Variants in NCAPG observed in about 807,000 individuals in gnomAD.
The protein encoded by NCAPG is condensin complex subunit 3.
Under a neutral mutation model 113.1 loss-of-function variants are expected in NCAPG, and 69 were observed. That is an observed-to-expected ratio of 0.61 (90% CI 0.50 to 0.75). The LOEUF is 0.75. NCAPG is among the 30% of genes least tolerant of loss of function. The pLI is 0.00. For missense variants in NCAPG, 1,058 were observed against 1,177.0 expected (o/e 0.90, Z 1.48); for synonymous variants, 370 against 415.8 (o/e 0.89, Z 1.34).
chr4:17,829,446 A>G (rs948128378), intron 12 of NCAPG, among the ~76,000 whole-genome samples: 1 of 152,226 alleles, frequency 6.6e-6, no homozygotes, highest in Non-Finnish European at 1.5e-5. Flanking sequence ...TTGGAAAAGC[A>G]GTTATCTTTA....
At chr4:17,817,864 T>A in intron 6 of NCAPG, 75 bp from the exon 7 acceptor site, 1 of 1,404,952 alleles carries the variant, frequency 7.1e-7, no homozygotes, top group South Asian at 1.5e-5. Context: ...ATCTTATTAT[T>A]CTCATTTTTG....
At chr4:17,838,858 G>A (rs1445621401) in intron 16 of NCAPG, among the ~76,000 whole-genome samples, 2 of 152,188 alleles carry the variant, frequency 1.3e-5, no homozygotes, top group East Asian at 3.8e-4. Context: ...TTGGTGGTCA[G>A]TGGTGGTTAT....
chr4:17,812,115 A>AT (rs1247984952), intron 1 of NCAPG, 106 bp from the exon 2 acceptor site: 8 of 817,938 alleles, frequency 9.8e-6, no homozygotes, highest in Non-Finnish European at 1.5e-5. Context: ...AAATATTTTA[A>AT]TTTGTCTGCA....
chr4:17,839,548 T>C (rs1006475255), intron 16 of NCAPG, 128 bp from the exon 17 acceptor site: 31 of 606,990 alleles, frequency 5.1e-5, no homozygotes, highest in Non-Finnish European at 6.6e-5. Flanking sequence ...ATGTTAAATT[T>C]GGTTTTAGAC....
chr4:17,820,846 G>A (rs1300090969), intron 7 of NCAPG, among the ~76,000 whole-genome samples: 2 of 152,156 alleles, frequency 1.3e-5, no homozygotes, highest in African/African-American at 4.8e-5. Flanking sequence ...AACAATTTTG[G>A]TTAACCAAGG....
chr4:17,817,258 T>C lies in NCAPG; in HGVS notation c.776-3T>C. On this transcript the variant is annotated splice_polypyrimidine_tract_variant and splice_region_variant and intron_variant, in intron 5 of 20. Transcript: ENST00000251496. The stretch of plus-strand genomic sequence containing the variant: ...TTCACCTATGTTTCAAATGACTCAA[T>C]AGATGCTGTGAAACAAGCTATGCAG... 1.9e-6 allele frequency: 3 copies of C among 1,610,682 alleles called. No individual in the cohort carries two copies. Among genetic ancestry groups the C allele is most frequent in the South Asian group, 2.2e-5 (2 of 90,610 alleles).
intron 8 of NCAPG, 49 bp downstream of exon 8, chr4:17,823,172 A>G: frequency 1.3e-6 from 2 of 1,505,784 alleles, no homozygotes; most frequent in Non-Finnish European, 1.8e-6. Flanking sequence ...CTAATTTCTT[A>G]TATTGAAATA....
chr4:17,831,071 A>G lies in NCAPG; in HGVS notation c.1839A>G (p.Leu613=), dbSNP rs774937281. Residue 613 remains leucine, a synonymous_variant, in exon 13 of 21, where the codon CTA becomes CTG. Coordinates refer to ENST00000251496, the MANE Select transcript of NCAPG (RefSeq NM_022346.5). ...LAVLCLGCCG[L]QNQDFARKHF... The stretch of plus-strand genomic sequence containing the variant: ...TTTTATGCTTGGGATGCTGTGGACT[A>G]CAGAATCAGGATTTTGCAAGGAAAC... 3.1e-6 allele frequency: 5 copies of G among 1,613,818 alleles called. No individual in the cohort carries two copies. The highest frequency in any genetic ancestry group is 4.2e-6 in the Non-Finnish European group (5 of 1,179,838).
In NCAPG at chr4:17,843,341, G is replaced by T; in HGVS notation, c.2964G>T (p.Met988Ile). Residue 988 changes from methionine (M) to isoleucine (I), a missense_variant, in exon 21 of 21, where the codon ATG (methionine) becomes ATT (isoleucine). Physicochemically the swap from Met to Ile is conservative, Grantham distance 10. Coordinates refer to ENST00000251496, the MANE Select transcript of NCAPG (RefSeq NM_022346.5). ...CAGAACCAGAATCAGAAATGAAGAT[G>T]AGACTACCAAGACGAGCCAAAACCG... ...EVPEPESEMK[M>I]RLPRRAKTAA... The T allele has an allele frequency of 6.2e-7, 1 of 1,611,962 alleles. No individual in the cohort carries two copies. The highest frequency in any genetic ancestry group is 1.1e-5 in the South Asian group (1 of 90,982).
chr4:17,823,498 C>T, intron 8 of NCAPG, 149 bp from the exon 9 acceptor site: 1 of 644,062 alleles, frequency 1.6e-6, no homozygotes, highest in Non-Finnish European at 2.5e-6. Context: ...GACCTAAAGT[C>T]TGTACATACA....
chr4:17,842,280 A>AAAAACAAAAAGCAACTGATAATAAT (rs753243972), intron 19 of NCAPG, 30 bp from the exon 20 acceptor site: 1 of 1,593,988 alleles, frequency 6.3e-7, no homozygotes, highest in Non-Finnish European at 8.6e-7. Context: ...CTGATAATAA[A>AAAAACAAAAAGCAACTGATAATAAT]TCCTGATAAT....
At chr4:17,828,464 C>A in intron 12 of NCAPG, 76 bp downstream of exon 12, 3 of 745,032 alleles carry the variant, frequency 4.0e-6, no homozygotes, top group Non-Finnish European at 6.6e-6. Context: ...CTTTAGAAAT[C>A]AAAATAATGA....
Position 17,817,408 on chromosome 4 carries a change from C to T in NCAPG, c.923C>T (p.Thr308Ile). 6.2e-7 allele frequency: 1 copy of T among 1,614,106 alleles called. No homozygotes were observed. Among genetic ancestry groups the T allele is most frequent in the Non-Finnish European group, 8.5e-7 (1 of 1,179,990 alleles). Residue 308 changes from threonine to isoleucine, a missense_variant, in exon 6 of 21, where the codon ACT (threonine) becomes ATT (isoleucine). Thr to Ile is a moderately conservative substitution (Grantham distance 89). Transcript: ENST00000251496. ...VSVLNALFSI[T>I]PLSELVGLCK... ...GTTCTCAATGCCTTGTTTTCAATAA[C>T]TCCTCTCAGTGAACTGGTGGGACTC... is the stretch of plus-strand genomic sequence containing the variant.
intron 6 of NCAPG, 72 bp downstream of exon 6, chr4:17,817,525 C>T: frequency 8.1e-7 from 1 of 1,231,580 alleles, no homozygotes; most frequent in Non-Finnish European, 1.2e-6. Flanking sequence ...TTTTTCCTCC[C>T]CATAGCTTAA....
intron 15 of NCAPG, 109 bp from the exon 16 acceptor site, chr4:17,837,518 T>C: frequency 1.5e-6 from 2 of 1,355,018 alleles, no homozygotes; most frequent in Admixed American, 2.3e-5. Context: ...CTTTCCTAGA[T>C]GAAAATGCAC....
At chr4:17,830,349 C>T (rs372048730) in intron 12 of NCAPG, among the ~76,000 whole-genome samples, 14 of 151,384 alleles carry the variant, frequency 9.2e-5, no homozygotes, top group South Asian at 2.1e-4. Flanking sequence ...GCCGAGATTG[C>T]GCCACTGCAC....
chr4:17,817,005 C>T (rs531388481), intron 5 of NCAPG, among the ~76,000 whole-genome samples: 10 of 152,194 alleles, frequency 6.6e-5, no homozygotes, highest in African/African-American at 1.9e-4. Flanking sequence ...CCCAGCTACT[C>T]GGGAGGCTGA....
Position 17,837,321 on chromosome 4 carries a change from GTGTTTGCTTA to G in NCAPG, c.2275_2284del (p.Phe759GlnfsTer29). The G allele has an allele frequency of 3.1e-6, 5 of 1,613,028 alleles. No homozygotes were observed. Among genetic ancestry groups the G allele is most frequent in the Non-Finnish European group, 4.2e-6 (5 of 1,179,624 alleles). The stretch of plus-strand genomic sequence containing the variant: ...ACATTGCCTAGGCGTGTTCTTCCCC[GTGTTTGCTTA>G]TGCAAGCAGGTATTGAGTCATACTG... On this transcript the variant is annotated frameshift_variant, in exon 15 of 21. Coordinates refer to ENST00000251496, the MANE Select transcript of NCAPG (RefSeq NM_022346.5). LOFTEE classifies it high-confidence loss of function.
At chr4:17,837,913 A>G (rs1722168358) in intron 16 of NCAPG, 112 bp downstream of exon 16, 2 of 1,097,566 alleles carry the variant, frequency 1.8e-6, no homozygotes, top group Non-Finnish European at 1.4e-6. Flanking sequence ...TTCTGTCTCA[A>G]GCATATACCA....
Sources: gnomAD v4.1 joint callset for allele counts (sites outside exome capture counted in the v4.1 genomes callset) on GRCh38, gnomAD v4.1.1 for gene constraint, MANE v1.5 for transcripts, NCBI Gene and HGNC (gene_info 2026-07-23, HGNC 2026-07-21) for gene names.